IL1RAPL2: variants seen among roughly 807,000 people sequenced by gnomAD.
IL1RAPL2 encodes the protein interleukin 1 receptor accessory protein like 2, also known as X-linked interleukin-1 receptor accessory protein-like 2.
In IL1RAPL2, 3 loss-of-function variants were observed where a neutral mutation model predicts 44.1. The ratio of observed to expected loss-of-function variants is 0.07; its 90% CI spans 0.03 to 0.18. The LOEUF is 0.18. Ranked by LOEUF, IL1RAPL2 falls within the 10% of genes least tolerant of loss-of-function variation. IL1RAPL2 has a pLI of 1.00. For missense variants in IL1RAPL2, 391 were observed against 496.4 expected, an observed-to-expected ratio of 0.79 and a Z score of 2.02; for synonymous variants, 181 against 178.8, an observed-to-expected ratio of 1.01 and a Z score of -0.10.
At chrX:105,761,716 G>A (rs2038689771) in intron 10 of IL1RAPL2, among the ~76,000 whole-genome samples, 1 of 111,760 alleles carries the variant, frequency 8.9e-6, no homozygotes, top group Non-Finnish European at 1.9e-5. Flanking sequence ...ACTAATAATA[G>A]CTGCTGTGCA....
At chrX:105,739,843 T>G (rs1330315550) in intron 7 of IL1RAPL2, among the ~76,000 whole-genome samples, 1 of 100,553 alleles carries the variant, frequency 9.9e-6, no homozygotes, top group Non-Finnish European at 2.0e-5. Flanking sequence ...GCATGATTTA[T>G]AGTCCTTTGG....
intron 1 of IL1RAPL2, among the ~76,000 whole-genome samples, chrX:104,634,952 A>G (rs909994438): frequency 9.0e-6 from 1 of 111,415 alleles, no homozygotes; most frequent in Non-Finnish European, 1.9e-5. Flanking sequence ...GGTCTTTACA[A>G]TTTGGCATGT....
At chrX:104,573,691 G>A (rs1032031823) in intron 1 of IL1RAPL2, among the ~76,000 whole-genome samples, 1 of 111,975 alleles carries the variant, frequency 8.9e-6, no homozygotes. Context: ...AAATTATAAA[G>A]AACTTGATCT....
intron 1 of IL1RAPL2, among the ~76,000 whole-genome samples, chrX:104,623,065 A>G (rs770705923): frequency 1.8e-5 from 2 of 110,994 alleles, no homozygotes. Context: ...TTTTAAAAAA[A>G]GTTTTGTCTC....
intron 3 of IL1RAPL2, 105 bp from the exon 4 acceptor site, chrX:105,233,713 A>T: frequency 3.2e-6 from 2 of 631,527 alleles, no homozygotes; most frequent in Non-Finnish European, 4.9e-6. Context: ...TCTGATTTCT[A>T]GGCAAGGTCC....
chrX:105,112,896 T>A (rs189085028), intron 2 of IL1RAPL2, among the ~76,000 whole-genome samples: 295 of 112,787 alleles, frequency 2.6e-3, no homozygotes, highest in Non-Finnish European at 4.6e-3. Flanking sequence ...TTCATTGTTT[T>A]CCTCTAAAGG....
chrX:105,033,647 G>T (rs760359753), intron 2 of IL1RAPL2, among the ~76,000 whole-genome samples: 10 of 111,428 alleles, frequency 9.0e-5, no homozygotes, highest in African/African-American at 3.3e-4. Context: ...CTCTCTGGCT[G>T]CCCTTAACAT....
chrX:105,691,961 G>C (rs2038038855), intron 6 of IL1RAPL2, among the ~76,000 whole-genome samples: 1 of 111,310 alleles, frequency 9.0e-6, no homozygotes, highest in Non-Finnish European at 1.9e-5. Flanking sequence ...ATTAAACAGG[G>C]CACAAGTTTT....
At chrX:105,181,474 ACTT>A (rs2033530290) in intron 2 of IL1RAPL2, among the ~76,000 whole-genome samples, 1 of 111,007 alleles carries the variant, frequency 9.0e-6, no homozygotes, top group Non-Finnish European at 1.9e-5. Context: ...ACTTCTTAGT[ACTT>A]CTTTTGCTGT....
rs771976098 is a variant in IL1RAPL2, at chrX:105,767,474, T to C, written c.1874T>C (p.Ile625Thr). The C allele has an allele frequency of 1.7e-6, 2 of 1,211,317 alleles. No homozygotes were observed. Among genetic ancestry groups the C allele is most frequent in the East Asian group, 3.0e-5 (1 of 33,795 alleles). Residue 625 changes from isoleucine (I) to threonine (T), a missense_variant, in exon 11 of 11, where the codon ATA becomes ACA. This residue lies in a region of IL1RAPL2 where 232 missense variants were observed against 244.8 expected (regional missense o/e 0.95). Transcript: ENST00000372582. ...RHCCRGYKHE[I>T]PATTLPVPSL... ...TGTTGCAGAGGTTATAAACATGAGATACCAGCCACGACCTTGCCAGTACCT... is the reference window on the plus strand; with the variant it reads ...TGTTGCAGAGGTTATAAACATGAGACACCAGCCACGACCTTGCCAGTACCT...
rs1393736732 is a variant in IL1RAPL2, at chrX:104,585,336, T to TATAA, written c.-20+18285_-20+18286insATAA. ...TAATATATATTATATATAATATATA[T>TATAA]TATATATTATATATATTATATATAT... On this transcript the variant is annotated intron_variant, in intron 1 of 10. Transcript: ENST00000372582. Among the ~76,000 whole-genome samples the TATAA allele has an allele frequency of 1.5e-3, 27 of 17,641 alleles. 1 individual carries two copies. The highest frequency in any genetic ancestry group is 0.014 in the African/African-American group (27 of 1,994). The allele number at this position is 17,641 out of a possible 115,157, so 15.3% of individuals were successfully genotyped here.
At chrX:105,416,548 T>C (rs189883476) in intron 5 of IL1RAPL2, among the ~76,000 whole-genome samples, 20 of 112,515 alleles carry the variant, frequency 1.8e-4, no homozygotes, top group African/African-American at 6.1e-4. Context: ...TGAAAAGTAA[T>C]GCATGTAAAG....
Position 104,680,667 on chromosome X carries a change from GT to G in IL1RAPL2, c.82+21674del, listed in dbSNP as rs1218486726. On this transcript the variant is annotated intron_variant, in intron 2 of 10. Transcript: ENST00000372582. ...TTTCTATAAAATGAATCATTGGATAGTTCTACTTTCAGGAGGCCTGTACCAT... is the reference window on the plus strand; with the variant it reads ...TTTCTATAAAATGAATCATTGGATAGTCTACTTTCAGGAGGCCTGTACCAT... 1.2e-4 allele frequency among the ~76,000 whole-genome samples: 13 copies of G among 111,449 alleles called. No individual in the cohort carries two copies. In the South Asian group the frequency reaches 3.8e-3, roughly 33 times the overall value.
intron 6 of IL1RAPL2, among the ~76,000 whole-genome samples, chrX:105,566,622 G>A (rs963291823): frequency 9.8e-5 from 11 of 111,812 alleles, no homozygotes; most frequent in African/African-American, 3.6e-4. Context: ...GGCTTGGAGA[G>A]TGATCGAGTT....
chrX:105,028,960 A>G (rs951229316), intron 2 of IL1RAPL2, among the ~76,000 whole-genome samples: 2 of 110,057 alleles, frequency 1.8e-5, no homozygotes, highest in Non-Finnish European at 3.8e-5. Flanking sequence ...TAGATTTTAT[A>G]TATTTTTCAT....
At chrX:104,727,794 G>T (rs1172763154) in intron 2 of IL1RAPL2, among the ~76,000 whole-genome samples, 3 of 108,632 alleles carry the variant, frequency 2.8e-5, no homozygotes, top group East Asian at 2.9e-4. Context: ...TTTTGTTTTT[G>T]GATTTTTTTT....
At chrX:105,292,256 T>C (rs750541961) in intron 5 of IL1RAPL2, among the ~76,000 whole-genome samples, 1 of 111,968 alleles carries the variant, frequency 8.9e-6, no homozygotes, top group South Asian at 3.7e-4. Flanking sequence ...TATGGGTCAG[T>C]GGATTTTAAT....
At chrX:105,708,945 A>G (rs1476675225) in intron 6 of IL1RAPL2, among the ~76,000 whole-genome samples, 1 of 112,394 alleles carries the variant, frequency 8.9e-6, no homozygotes, top group Non-Finnish European at 1.9e-5. Context: ...ATCCAAATGA[A>G]TTATTTTGCA....
At chrX:105,478,533 A>G (rs1323622779) in intron 5 of IL1RAPL2, among the ~76,000 whole-genome samples, 1 of 111,153 alleles carries the variant, frequency 9.0e-6, no homozygotes, top group Non-Finnish European at 1.9e-5. Flanking sequence ...CCAAGATACA[A>G]CACAATAAAA....
Sources: allele counts gnomAD v4.1 joint callset (sites outside exome capture counted in the v4.1 genomes callset), GRCh38; gene constraint gnomAD v4.1.1; regional missense constraint gnomAD v4.1.1; transcripts MANE v1.5; gene names NCBI Gene and HGNC (gene_info 2026-07-23, HGNC 2026-07-21).